Variants in CHEK1 observed in about 807,000 individuals in gnomAD.
CHEK1 encodes the protein serine/threonine-protein kinase Chk1.
CHEK1 carries 32 observed loss-of-function variants against 60.2 expected under a neutral mutation model. That is an observed-to-expected ratio of 0.53 (90% CI 0.40 to 0.71). CHEK1 has a LOEUF of 0.71. Among genes scored for constraint, CHEK1 ranks in the 30% least tolerant of loss-of-function variants. The pLI is 0.00. For synonymous variants in CHEK1, 179 were observed against 187.2 expected, an observed-to-expected ratio of 0.96 and a Z score of 0.36; for missense variants, 399 against 564.6, an observed-to-expected ratio of 0.71 and a Z score of 2.97.
chr11:125,677,985 T>G, downstream of CHEK1: 1 of 1,613,768 alleles, frequency 6.2e-7, no homozygotes, highest in Non-Finnish European at 8.5e-7. Flanking sequence ...GGAGAGGTGT[T>G]CACCTGAAGG....
chr11:125,627,059 A>G (rs1940645903), intron 2 of CHEK1, among the ~76,000 whole-genome samples: 1 of 152,198 alleles, frequency 6.6e-6, no homozygotes, highest in African/African-American at 2.4e-5. Flanking sequence ...ATGCCCACAA[A>G]TTGCTTCTCA....
At chr11:125,644,487 C>A (rs770317489) in intron 10 of CHEK1, 25 bp from the exon 11 acceptor site, 2 of 1,608,736 alleles carry the variant, frequency 1.2e-6, no homozygotes, top group Admixed American at 3.4e-5. Flanking sequence ...TGGATTTATT[C>A]ATTTGTCTTC....
In CHEK1 at chr11:125,644,259, A is replaced by G; in HGVS notation, c.1092A>G (p.Gly364=). The change falls in exon 10 of 13, where the codon GGA becomes GGG. Residue 364 remains glycine (G), a synonymous_variant. Transcript: ENST00000438015. ...ATAGTCAGTTACTTGGCACCCCAGG[A>G]TCCTCACAGGTGAGGGAATTTAATT... The part of the protein sequence containing the change: ...LLNSQLLGTP[G]SSQNPWQRLV... The G allele has an allele frequency of 1.2e-6, 2 of 1,612,416 alleles. No individual in the cohort carries two copies. The highest frequency in any genetic ancestry group is 1.7e-6 in the Non-Finnish European group (2 of 1,179,618).
chr11:125,657,026 A>T lies in CHEK1; in HGVS notation c.*1706A>T. 5.3e-6 allele frequency: 1 copy of T among 189,762 alleles called. No homozygotes were observed. Among genetic ancestry groups the T allele is most frequent in the Non-Finnish European group, 1.1e-5 (1 of 90,396 alleles). The allele number at this position is 189,762 out of a possible 1,614,324, so 11.8% of individuals were successfully genotyped here. A position where few individuals can be genotyped will look rare whatever the true frequency, so the allele number is the denominator to read the frequency against. ...GGAAGAGTATAGTGTCCTGTTTTGC[A>T]CAGAAAGGCATTCTGTAAATAATAA... On this transcript the variant is annotated 3_prime_UTR_variant, in exon 13 of 13. Coordinates refer to ENST00000438015, the MANE Select transcript of CHEK1 (RefSeq NM_001114122.3).
chr11:125,634,532 G>C (rs79846798), intron 6 of CHEK1, among the ~76,000 whole-genome samples: 37 of 151,478 alleles, frequency 2.4e-4, no homozygotes, highest in South Asian at 4.2e-4. Context: ...TCCATGTTAC[G>C]TAGGCTGGTC....
intron 11 of CHEK1, among the ~76,000 whole-genome samples, chr11:125,647,070 T>C (rs944281497): frequency 6.6e-6 from 1 of 152,202 alleles, no homozygotes; most frequent in African/African-American, 2.4e-5. Context: ...TTATACTTTA[T>C]GCTTTCTTTT....
chr11:125,679,607 C>G (rs768609029), downstream of CHEK1, among the ~76,000 whole-genome samples: 4 of 152,192 alleles, frequency 2.6e-5, no homozygotes, highest in Non-Finnish European at 5.9e-5. Context: ...GATTATTACT[C>G]TTTGATTAAA....
rs1213664389 is a variant in CHEK1, at chr11:125,637,525, C to T, written c.795C>T (p.Tyr265=). 2 of 1,609,218 alleles carry T rather than the reference C, an allele frequency of 1.2e-6. No individual in the cohort carries two copies. The highest frequency in any genetic ancestry group is 1.7e-5 in the Admixed American group (1 of 59,498). ...TIPDIKKDRW[Y]NKPLKKGAKR... is the part of the protein sequence containing the mutation. ...CAGACATCAAAAAAGATAGATGGTA[C>T]AACAAACCCCTCAAGAAAGGTAATA... Residue 265 remains tyrosine (Y), a synonymous_variant, in exon 8 of 13, where the codon TAC becomes TAT. Transcript: ENST00000438015.
Position 125,625,989 on chromosome 11 carries a change from C to T in CHEK1, c.-44C>T. The T allele has an allele frequency of 1.4e-6, 1 of 702,438 alleles. No individual in the cohort carries two copies. Among genetic ancestry groups the T allele is most frequent in the Non-Finnish European group, 2.6e-6 (1 of 384,886 alleles). 43.5% of individuals were successfully genotyped at this position (702,438 alleles called of 1,614,324 possible). Reference sequence around the variant, plus strand: ...GAAAAGCGCTGCATTTGGATTCCTGCAGTGGTGGGCAAAGGACAGTCCGGT... The same window carrying T: ...GAAAAGCGCTGCATTTGGATTCCTGTAGTGGTGGGCAAAGGACAGTCCGGT... On this transcript the variant is annotated 5_prime_UTR_variant, in exon 1 of 13. The change creates a premature stop within an existing upstream ORF in the 5' untranslated region. Transcript: ENST00000438015.
intron 13 of CHEK1, chr11:125,672,538 T>G: frequency 6.2e-7 from 1 of 1,603,122 alleles, no homozygotes; most frequent in Non-Finnish European, 8.5e-7. Context: ...ATGAGCCAAA[T>G]AGAGTGATGG....
chr11:125,648,308 C>T lies in CHEK1; in HGVS notation c.1233+3665C>T, dbSNP rs965534792. The stretch of plus-strand genomic sequence containing the variant: ...ATTAAGATTACATTATTTGGCAGGG[C>T]GTGGTGGCTCACGCCTGTAATCCCA... On this transcript the variant is annotated intron_variant, in intron 11 of 12. Coordinates refer to ENST00000438015, the MANE Select transcript of CHEK1 (RefSeq NM_001114122.3). 1.4e-4 allele frequency among the ~76,000 whole-genome samples: 22 copies of T among 152,096 alleles called. 1 individual carries two copies. The highest frequency in any genetic ancestry group is 5.1e-4 in the African/African-American group (21 of 41,504).
chr11:125,662,434 T>C (rs182434942), intron 13 of CHEK1, among the ~76,000 whole-genome samples: 1 of 152,334 alleles, frequency 6.6e-6, no homozygotes, highest in African/African-American at 2.4e-5. Flanking sequence ...TTCAGTATAT[T>C]AATTTGTCTG....
intron 6 of CHEK1, among the ~76,000 whole-genome samples, chr11:125,634,322 T>G (rs370975793): frequency 5.9e-4 from 89 of 151,848 alleles, no homozygotes; most frequent in Non-Finnish European, 1.0e-3. Context: ...TGTTTTTTGT[T>G]TTTTTGTGGT....
At chr11:125,677,755 C>T (rs1268740537), downstream of CHEK1, 3 of 1,605,842 alleles carry the variant, frequency 1.9e-6, no homozygotes, top group Admixed American at 5.0e-5. Context: ...CCCCATTTCC[C>T]ACCTGAAGTC....
In CHEK1 at chr11:125,632,493, A is replaced by C. The variant is rs1468309505; in HGVS notation, c.425-670A>C. Among the ~76,000 whole-genome samples the C allele has an allele frequency of 2.6e-5, 4 of 152,272 alleles. No individual in the cohort carries two copies. In the East Asian group the frequency reaches 7.7e-4, roughly 29 times the overall value. ...TTCTATTGTCAGTCTTCACTAATTT[A>C]TCTATTACCTGCATTGGCTGGCATA... On this transcript the variant is annotated intron_variant, in intron 5 of 12. Coordinates refer to ENST00000438015, the MANE Select transcript of CHEK1 (RefSeq NM_001114122.3).
intron 5 of CHEK1, among the ~76,000 whole-genome samples, chr11:125,632,576 A>C (rs1940907014): frequency 1.3e-5 from 2 of 152,102 alleles, no homozygotes; most frequent in Non-Finnish European, 2.9e-5. Context: ...TCCTGCCTGC[A>C]GTTTTTGTGT....
chr11:125,643,323 C>CA (rs67970826), intron 8 of CHEK1: 48,317 of 107,846 alleles, frequency 0.45, 11,456 homozygotes, highest in East Asian at 0.57. Flanking sequence ...CCTAAAAATA[C>CA]AAAAAAAAAA....
chr11:125,637,664 A>T (rs1941128276), intron 8 of CHEK1, 120 bp downstream of exon 8: 3 of 550,538 alleles, frequency 5.4e-6, no homozygotes, highest in Non-Finnish European at 6.1e-6. Context: ...GGAGATTATA[A>T]TGTCCAGTAG....
Position 125,625,868 on chromosome 11 carries a change from A to C in CHEK1, c.-165A>C, listed in dbSNP as rs1199154046. ...CCACGTCACCCTTTTGGAGCCGCCG[A>C]CATTCAGAGGGGCAGGACACGGGAA... On this transcript the variant is annotated 5_prime_UTR_variant, in exon 1 of 13. Coordinates refer to ENST00000438015, the MANE Select transcript of CHEK1 (RefSeq NM_001114122.3). 2.8e-6 allele frequency: 2 copies of C among 702,624 alleles called. No individual in the cohort carries two copies. Among genetic ancestry groups the C allele is most frequent in the Non-Finnish European group, 5.2e-6 (2 of 385,010 alleles). 43.5% of individuals were successfully genotyped at this position (702,624 alleles called of 1,614,324 possible). A position where few individuals can be genotyped will look rare whatever the true frequency, so the allele number is the denominator to read the frequency against.
Sources: gnomAD v4.1 joint callset for allele counts (sites outside exome capture counted in the v4.1 genomes callset) on GRCh38, gnomAD v4.1.1 for gene constraint, MANE v1.5 for transcripts, NCBI Gene and HGNC (gene_info 2026-07-23, HGNC 2026-07-21) for gene names.